MTHFD1: variants seen among roughly 807,000 people sequenced by gnomAD.
The protein encoded by MTHFD1 is methylenetetrahydrofolate dehydrogenase, cyclohydrolase and formyltetrahydrofolate synthetase 1, also known as C-1-tetrahydrofolate synthase, cytoplasmic.
In MTHFD1, 44 loss-of-function variants were observed where a neutral mutation model predicts 110.3. That is an observed-to-expected ratio of 0.40 (90% CI 0.31 to 0.51). The LOEUF is 0.51. Among genes scored for constraint, MTHFD1 ranks in the 20% least tolerant of loss-of-function variants. The probability of loss-of-function intolerance (pLI) is 0.60; values close to 1 mark genes in which losing one functional copy is unlikely to be tolerated. For missense variants in MTHFD1, 909 were observed against 1,173.1 expected (o/e 0.77, Z 3.29); for synonymous variants, 402 against 428.8 (o/e 0.94, Z 0.77).
chr14:64,414,402 A>G (rs750392999), intron 4 of MTHFD1, among the ~76,000 whole-genome samples: 4 of 146,200 alleles, frequency 2.7e-5, no homozygotes, highest in Non-Finnish European at 6.0e-5. Context: ...AGCGATTCTC[A>G]TGCCTCAGCC....
chr14:64,396,872 AG>A (rs1265675069), intron 1 of MTHFD1, among the ~76,000 whole-genome samples: 1 of 148,976 alleles, frequency 6.7e-6, no homozygotes, highest in Non-Finnish European at 1.5e-5. Flanking sequence ...TGGGAGGCCG[AG>A]GAGGGCAGAT....
rs756705813 is a variant in MTHFD1 at position 64,442,348 on chromosome 14, G to C, written c.2082G>C (p.Val694=). 4 of 1,614,222 alleles carry C rather than the reference G, an allele frequency of 2.5e-6. No homozygotes were observed. Among genetic ancestry groups the C allele is most frequent in the East Asian group, 2.2e-5 (1 of 44,880 alleles). The stretch of plus-strand genomic sequence containing the variant: ...GGTATTCCGGCCTCTGCCCCCACGT[G>C]GTGGTGCTTGTTGCCACTGTCAGGG... The part of the protein sequence containing the change: ...KCRYSGLCPH[V]VVLVATVRAL... The change falls in exon 21 of 28, where the codon GTG becomes GTC. Residue 694 remains valine (V), a synonymous_variant. Transcript: ENST00000652337.
chr14:64,430,221 T>C lies in MTHFD1; in HGVS notation c.1302T>C (p.Pro434=). The stretch of plus-strand genomic sequence containing the variant: ...GAGGCGGCTACTCCCAGGTCATTCC[T>C]ATGGAAGAGGTAAAGTATTCTGGGA... ...AAGGGYSQVI[P]MEEFNLHLTG... The change falls in exon 13 of 28, where the codon CCT becomes CCC. Residue 434 remains proline, a synonymous_variant. Coordinates refer to ENST00000652337, the MANE Select transcript of MTHFD1 (RefSeq NM_005956.4). 1 of 1,613,582 alleles carries C rather than the reference T, an allele frequency of 6.2e-7. No individual in the cohort carries two copies. Among genetic ancestry groups the C allele is most frequent in the Non-Finnish European group, 8.5e-7 (1 of 1,179,952 alleles).
intron 21 of MTHFD1, among the ~76,000 whole-genome samples, chr14:64,443,660 C>A (rs563938655): frequency 1.3e-5 from 2 of 152,320 alleles, no homozygotes; most frequent in South Asian, 2.1e-4. Context: ...GCACTCCCAA[C>A]CCAGCACACT....
intron 16 of MTHFD1, among the ~76,000 whole-genome samples, chr14:64,436,413 C>T (rs953488403): frequency 6.6e-6 from 1 of 152,174 alleles, no homozygotes; most frequent in Admixed American, 6.5e-5. Flanking sequence ...ATTTTTTTAC[C>T]TCATTTTATT....
At chr14:64,408,793 AC>A (rs771946490) in intron 2 of MTHFD1, among the ~76,000 whole-genome samples, 4 of 152,142 alleles carry the variant, frequency 2.6e-5, no homozygotes, top group Admixed American at 1.3e-4. Context: ...TACAAAAAAT[AC>A]AAAAATTGGC....
At chr14:64,413,213 G>A (rs555615537) in intron 4 of MTHFD1, among the ~76,000 whole-genome samples, 24 of 151,968 alleles carry the variant, frequency 1.6e-4, no homozygotes, top group Admixed American at 2.6e-4. Context: ...TTTGCCAGGC[G>A]TGGTGGCGCA....
rs191645021 is a variant in MTHFD1, at chr14:64,394,291, C to T, written c.41+5823C>T. ...TGTTCCAAGGTAGGTGGCAGAGGCT[C>T]GATGGTGCATTTCTTTCCCTACCAT... On this transcript the variant is annotated intron_variant, in intron 1 of 27. Transcript: ENST00000652337. Among the ~76,000 whole-genome samples, 595 of 152,108 alleles carry T rather than the reference C, an allele frequency of 3.9e-3. 4 individuals are homozygous for T. The highest frequency in any genetic ancestry group is 0.013 in the African/African-American group (552 of 41,482).
chr14:64,390,511 G>A (rs2077795855), intron 1 of MTHFD1: 1 of 151,808 alleles, frequency 6.6e-6, no homozygotes, highest in Non-Finnish European at 1.5e-5. Flanking sequence ...TTGAGATGGA[G>A]TTTCACTCGT....
intron 12 of MTHFD1, among the ~76,000 whole-genome samples, chr14:64,427,836 G>A (rs2078129648): frequency 6.6e-6 from 1 of 152,120 alleles, no homozygotes; most frequent in Non-Finnish European, 1.5e-5. Context: ...CACCTTGTTG[G>A]GAATAAGAAA....
intron 1 of MTHFD1, among the ~76,000 whole-genome samples, chr14:64,397,619 GTTT>G (rs1398198990): frequency 6.6e-6 from 1 of 152,178 alleles, no homozygotes; most frequent in Non-Finnish European, 1.5e-5. Context: ...GAAGGTGAAT[GTTT>G]TTGCTTCTTC....
In MTHFD1 at chr14:64,441,175, C is replaced by G. The variant is rs569818443; in HGVS notation, c.1816-210C>G. 7.8e-5 allele frequency: 42 copies of G among 537,550 alleles called. 1 individual carries two copies. Among genetic ancestry groups the G allele is most frequent in the South Asian group, 7.1e-4 (39 of 54,708 alleles). 33.3% of individuals were successfully genotyped at this position (537,550 alleles called of 1,614,324 possible). On this transcript the variant is annotated intron_variant, in intron 18 of 27. Coordinates refer to ENST00000652337, the MANE Select transcript of MTHFD1 (RefSeq NM_005956.4). ...CCACTGCACTCCAGCCTGGGCAACA[C>G]AGCCAGACTCCGTCTCAAAAAATAA...
intron 1 of MTHFD1, among the ~76,000 whole-genome samples, chr14:64,390,734 C>T (rs927998356): frequency 9.2e-5 from 14 of 151,552 alleles, no homozygotes; most frequent in Admixed American, 2.0e-4. Context: ...CTGCAACCTC[C>T]ACCTCCCAGG....
At chr14:64,454,414 C>G (rs2078430235) in intron 25 of MTHFD1, among the ~76,000 whole-genome samples, 1 of 152,144 alleles carries the variant, frequency 6.6e-6, no homozygotes, top group South Asian at 2.1e-4. Flanking sequence ...GCACCTGACC[C>G]TCTCCAATTT....
chr14:64,443,106 C>G (rs2078261070), intron 21 of MTHFD1, among the ~76,000 whole-genome samples: 1 of 152,112 alleles, frequency 6.6e-6, no homozygotes, highest in Admixed American at 6.5e-5. Context: ...TGTATTATAA[C>G]TTAGGAAATA....
chr14:64,441,418 G>A lies in MTHFD1; in HGVS notation c.1849G>A (p.Asp617Asn). 1 of 1,614,060 alleles carries A rather than the reference G, an allele frequency of 6.2e-7. No homozygotes were observed. The highest frequency in any genetic ancestry group is 8.5e-7 in the Non-Finnish European group (1 of 1,179,976). The part of the protein sequence containing the change: ...VSGALTVLMK[D>N]AIKPNLMQTL... ...TGGTGCACTGACAGTGCTTATGAAGGACGCAATCAAGCCCAATCTCATGCA... is the reference window on the plus strand; with the variant it reads ...TGGTGCACTGACAGTGCTTATGAAGAACGCAATCAAGCCCAATCTCATGCA... The change falls in exon 19 of 28, where the codon GAC becomes AAC. Residue 617 changes from aspartate to asparagine, a missense_variant. Physicochemically the swap from Asp to Asn is conservative, Grantham distance 23 (BLOSUM62 1). Coordinates refer to ENST00000652337, the MANE Select transcript of MTHFD1 (RefSeq NM_005956.4).
At chr14:64,411,528 G>A (rs528780527) in intron 3 of MTHFD1, among the ~76,000 whole-genome samples, 2 of 152,314 alleles carry the variant, frequency 1.3e-5, no homozygotes, top group East Asian at 3.9e-4. Flanking sequence ...AAAAGTACAC[G>A]TTTTCATGTA....
chr14:64,411,099 A>G lies in MTHFD1; in HGVS notation c.136A>G (p.Arg46Gly), dbSNP rs1420265873. ...PRLAILQVGN[R>G]DDSNLYINVK... ...GCATTTATTATTCTAGGTTGGCAAC[A>G]GAGATGATTCCAATCTTTATATAAA... Residue 46 changes from arginine (R) to glycine (G), a missense_variant, in exon 3 of 28, where the codon AGA becomes GGA. This residue lies in a region of MTHFD1 where 424 missense variants were observed against 510.4 expected (regional missense o/e 0.83). Transcript: ENST00000652337. The G allele has an allele frequency of 6.2e-7, 1 of 1,611,226 alleles. No homozygotes were observed.
intron 8 of MTHFD1, among the ~76,000 whole-genome samples, chr14:64,421,002 A>G (rs1215367082): frequency 6.6e-6 from 1 of 152,172 alleles, no homozygotes; most frequent in Non-Finnish European, 1.5e-5. Flanking sequence ...CGGAGCAACT[A>G]CTGTGTATCC....
Sources: gnomAD v4.1 joint callset for allele counts (sites outside exome capture counted in the v4.1 genomes callset) on GRCh38, gnomAD v4.1.1 for gene constraint, gnomAD v4.1.1 regional missense constraint, MANE v1.5 for transcripts, NCBI Gene and HGNC (gene_info 2026-07-23, HGNC 2026-07-21) for gene names.